The following FTCDNL1 variants were observed in gnomAD, a reference collection of about 807,000 sequenced individuals.
FTCDNL1 encodes the protein formiminotransferase N-terminal subdomain-containing protein.
Under a neutral mutation model 5.9 loss-of-function variants are expected in FTCDNL1, and 11 were observed. The ratio of observed to expected loss-of-function variants is 1.87; its 90% confidence interval spans 1.18 to 3.10. The LOEUF (loss-of-function observed/expected upper bound fraction) is 3.10. Ranked by LOEUF, FTCDNL1 falls within the 30% of genes most tolerant of loss-of-function variation. The pLI is 0.00. For synonymous variants in FTCDNL1, 58 were observed against 24.8 expected, an observed-to-expected ratio of 2.34 and a Z score of -3.99; for missense variants, 115 against 65.5, an observed-to-expected ratio of 1.76 and a Z score of -2.61.
intron 3 of FTCDNL1, among the ~76,000 whole-genome samples, chr2:199,779,777 T>A (rs932841933): frequency 3.9e-5 from 6 of 152,056 alleles, no homozygotes; most frequent in Non-Finnish European, 5.9e-5. Context: ...CTCCAGCAAA[T>A]GTGCTTGAGA....
At chr2:199,822,080 C>T (rs1701729451) in intron 3 of FTCDNL1, among the ~76,000 whole-genome samples, 1 of 152,076 alleles carries the variant, frequency 6.6e-6, no homozygotes, top group African/African-American at 2.4e-5. Flanking sequence ...ATTATGTCTG[C>T]AGAAACCAAT....
At chr2:199,762,818 C>G (rs1049063262) in intron 3 of FTCDNL1, among the ~76,000 whole-genome samples, 4 of 152,064 alleles carry the variant, frequency 2.6e-5, no homozygotes, top group African/African-American at 9.7e-5. Context: ...CATATTTCAC[C>G]TTATAGGTTA....
At chr2:199,820,380 G>A (rs1204483586) in intron 3 of FTCDNL1, among the ~76,000 whole-genome samples, 1 of 152,106 alleles carries the variant, frequency 6.6e-6, no homozygotes. Context: ...GACACAGGAG[G>A]ATAGAGTGAA....
chr2:199,848,071 C>G (rs2076776890), intron 2 of FTCDNL1, among the ~76,000 whole-genome samples: 1 of 152,096 alleles, frequency 6.6e-6, no homozygotes, highest in Non-Finnish European at 1.5e-5. Context: ...CACCTGTTGC[C>G]AAAAAGTTAT....
At chr2:199,806,197 T>G (rs1574567653), downstream of FTCDNL1, among the ~76,000 whole-genome samples, 1 of 152,210 alleles carries the variant, frequency 6.6e-6, no homozygotes, top group South Asian at 2.1e-4. Flanking sequence ...GGTGTTCTAA[T>G]TGTTTTATCT....
At chr2:199,845,740 G>A (rs2076715184) in intron 3 of FTCDNL1, among the ~76,000 whole-genome samples, 1 of 151,652 alleles carries the variant, frequency 6.6e-6, no homozygotes, top group Non-Finnish European at 1.5e-5. Context: ...CAGCTTAGCA[G>A]TGAAATGAAA....
the FTCDNL1 span, among the ~76,000 whole-genome samples, chr2:199,726,620 T>A: frequency 6.6e-6 from 1 of 152,174 alleles, no homozygotes; most frequent in South Asian, 2.1e-4. Context: ...TGTTGTTGCT[T>A]TCTGTTTGTT....
At chr2:199,759,013 G>GT (rs1289024464), downstream of FTCDNL1, among the ~76,000 whole-genome samples, 1 of 152,070 alleles carries the variant, frequency 6.6e-6, no homozygotes, top group Non-Finnish European at 1.5e-5. Flanking sequence ...AATGTACAGT[G>GT]TAATATTTGT....
At chr2:199,735,465 C>CA in the FTCDNL1 span, among the ~76,000 whole-genome samples, 1 of 148,846 alleles carries the variant, frequency 6.7e-6, no homozygotes, top group African/African-American at 2.5e-5. Flanking sequence ...TATTACCCTG[C>CA]TTTTTTTTTT....
chr2:199,760,980 G>A (rs189220931), intron 3 of FTCDNL1: 38 of 664,334 alleles, frequency 5.7e-5, no homozygotes, highest in East Asian at 5.4e-4. Flanking sequence ...AAGGCTTCAC[G>A]TTCTCTGGGT....
At chr2:199,729,871 C>T in the FTCDNL1 span, among the ~76,000 whole-genome samples, 1 of 152,100 alleles carries the variant, frequency 6.6e-6, no homozygotes, top group Admixed American at 6.6e-5. Flanking sequence ...TATACGGAAC[C>T]AAAAGAGAGC....
intron 3 of FTCDNL1, among the ~76,000 whole-genome samples, chr2:199,823,645 AGC>A (rs1701833694): frequency 1.3e-5 from 2 of 152,156 alleles, no homozygotes; most frequent in Non-Finnish European, 2.9e-5. Context: ...TTTTTTTCTG[AGC>A]AGTAGGTATC....
downstream of FTCDNL1, among the ~76,000 whole-genome samples, chr2:199,757,481 G>A (rs1383714183): frequency 1.3e-5 from 2 of 152,194 alleles, no homozygotes; most frequent in Non-Finnish European, 2.9e-5. Context: ...ATAAAAGGCA[G>A]AGGAAGAAGG....
chr2:199,725,668 T>C, the FTCDNL1 span, among the ~76,000 whole-genome samples: 1 of 152,162 alleles, frequency 6.6e-6, no homozygotes, highest in Non-Finnish European at 1.5e-5. Flanking sequence ...AGATATGAAA[T>C]TCTGGGTTGG....
At chr2:199,779,064 CA>C (rs955456273) in intron 3 of FTCDNL1, among the ~76,000 whole-genome samples, 2 of 152,054 alleles carry the variant, frequency 1.3e-5, no homozygotes, top group Non-Finnish European at 1.5e-5. Flanking sequence ...TTCTGAAATG[CA>C]AAAATTGGAG....
At chr2:199,803,046 T>G (rs1166834422) in intron 3 of FTCDNL1, among the ~76,000 whole-genome samples, 1 of 151,546 alleles carries the variant, frequency 6.6e-6, no homozygotes, top group African/African-American at 2.4e-5. Context: ...ATAAAAAAAT[T>G]AGCCAGCTGT....
chr2:199,765,564 T>A (rs1281527754), intron 3 of FTCDNL1, among the ~76,000 whole-genome samples: 2 of 111,568 alleles, frequency 1.8e-5, no homozygotes, highest in African/African-American at 3.0e-5. Flanking sequence ...ATATTTTTTT[T>A]TTTTTTTTTG....
At chr2:199,757,914 C>T (rs950361169), downstream of FTCDNL1, among the ~76,000 whole-genome samples, 3 of 152,118 alleles carry the variant, frequency 2.0e-5, no homozygotes, top group Admixed American at 1.3e-4. Context: ...ATGGAGGTTG[C>T]TTTATTTCAA....
chr2:199,772,143 G>T, intron 3 of FTCDNL1, among the ~76,000 whole-genome samples: 1 of 152,206 alleles, frequency 6.6e-6, no homozygotes, highest in East Asian at 1.9e-4. Context: ...AGTGACTAAT[G>T]AGCATGTGGC....
Sources: gnomAD v4.1 joint callset for allele counts (sites outside exome capture counted in the v4.1 genomes callset) on GRCh38, gnomAD v4.1.1 for gene constraint, MANE v1.5 for transcripts, NCBI Gene and HGNC (gene_info 2026-07-23, HGNC 2026-07-21) for gene names.